HDAC4: variants seen among roughly 807,000 people sequenced by gnomAD.
HDAC4 encodes the protein histone deacetylase 4.
A neutral mutation model predicts 135.1 loss-of-function variants in HDAC4; 16 were observed. That is an observed-to-expected ratio of 0.12 (90% CI 0.08 to 0.18). The LOEUF (loss-of-function observed/expected upper bound fraction) is 0.18. Ranked by LOEUF, HDAC4 falls within the 10% of genes least tolerant of loss-of-function variation. HDAC4 has a pLI of 1.00. For missense variants in HDAC4, 1,143 were observed against 1,511.8 expected, an observed-to-expected ratio of 0.76 and a Z score of 4.05; for synonymous variants, 685 against 653.4, an observed-to-expected ratio of 1.05 and a Z score of -0.74.
At chr2:239,108,223 G>C (rs753723530) in intron 14 of HDAC4, 40 bp from the exon 15 acceptor site, 1 of 1,568,538 alleles carries the variant, frequency 6.4e-7, no homozygotes. Context: ...CGCACATCCA[G>C]GGGCGAGCCG....
intron 1 of HDAC4, among the ~76,000 whole-genome samples, chr2:239,389,957 G>A (rs1008609145): frequency 1.3e-5 from 2 of 152,208 alleles, no homozygotes; most frequent in Non-Finnish European, 2.9e-5. Context: ...GACTTGCTAA[G>A]ACAAAGATGC....
chr2:239,196,388 C>G (rs914410050), intron 3 of HDAC4, among the ~76,000 whole-genome samples: 10 of 152,218 alleles, frequency 6.6e-5, no homozygotes, highest in Non-Finnish European at 8.8e-5. Flanking sequence ...CCCCCTACCC[C>G]GTGAGCAACA....
chr2:239,398,540 C>A (rs1468937729), intron 1 of HDAC4, among the ~76,000 whole-genome samples: 1 of 152,218 alleles, frequency 6.6e-6, no homozygotes, highest in Non-Finnish European at 1.5e-5. Flanking sequence ...GGTAAACATC[C>A]ATAGGGCATT....
At chr2:239,210,302 T>C (rs985608089) in intron 3 of HDAC4, among the ~76,000 whole-genome samples, 3 of 151,936 alleles carry the variant, frequency 2.0e-5, no homozygotes, top group South Asian at 4.1e-4. Context: ...TTAGAAACAA[T>C]GCTGAGTTAA....
At chr2:239,369,354 C>T (rs989349985) in intron 1 of HDAC4, among the ~76,000 whole-genome samples, 6 of 152,100 alleles carry the variant, frequency 3.9e-5, no homozygotes, top group African/African-American at 7.2e-5. Context: ...GCCGACTGCC[C>T]GGCGGGGGGT....
At chr2:239,225,954 C>A (rs576188906) in intron 3 of HDAC4, among the ~76,000 whole-genome samples, 3 of 152,132 alleles carry the variant, frequency 2.0e-5, no homozygotes, top group Non-Finnish European at 4.4e-5. Context: ...GGTGTTGGTA[C>A]GGCGAAAACA....
intron 7 of HDAC4, among the ~76,000 whole-genome samples, chr2:239,149,901 T>C (rs574384582): frequency 9.9e-4 from 151 of 152,248 alleles, no homozygotes; most frequent in African/African-American, 3.5e-3. Flanking sequence ...GGAGGGGGTA[T>C]CATTTGCTCA....
chr2:239,325,833 C>T (rs1432715728), intron 2 of HDAC4, among the ~76,000 whole-genome samples: 2 of 151,918 alleles, frequency 1.3e-5, no homozygotes, highest in East Asian at 1.9e-4. Flanking sequence ...GGCGTGGTGG[C>T]GGGTGTCTGT....
intron 25 of HDAC4, 97 bp from the exon 26 acceptor site, chr2:239,053,698 AGATT>A: frequency 1.0e-6 from 1 of 1,000,708 alleles, no homozygotes; most frequent in Non-Finnish European, 1.5e-6. Context: ...GCCTCAAACC[AGATT>A]GATCCCTTAT....
rs747907491 is a variant in HDAC4, at chr2:239,236,556, A to G, written c.94+37T>C. 19 of 1,520,090 alleles carry G rather than the reference A, an allele frequency of 1.2e-5. 1 individual carries two copies. Among genetic ancestry groups the G allele is most frequent in the Middle Eastern group, 1.7e-4 (1 of 5,826 alleles). 94.2% of individuals were successfully genotyped at this position (1,520,090 alleles called of 1,614,324 possible). On this transcript the variant is annotated intron_variant, in intron 3 of 26. Transcript: ENST00000543185. Reference sequence around the variant, plus strand: ...TCTGAACACCTCTTTGGCTCAGCGCAGGGCCGGCCGGACAGGGCAGGGGTG... The same window carrying G: ...TCTGAACACCTCTTTGGCTCAGCGCGGGGCCGGCCGGACAGGGCAGGGGTG...
chr2:239,164,828 C>A (rs1412531994), intron 5 of HDAC4, among the ~76,000 whole-genome samples: 5 of 152,212 alleles, frequency 3.3e-5, no homozygotes, highest in African/African-American at 1.2e-4. Context: ...CACTGACTAC[C>A]TTTAGAATTA....
At chr2:239,102,221 G>A (rs2037735869) in intron 16 of HDAC4, among the ~76,000 whole-genome samples, 1 of 152,218 alleles carries the variant, frequency 6.6e-6, no homozygotes, top group Non-Finnish European at 1.5e-5. Flanking sequence ...GAGCTGGCTG[G>A]GAGTTCACCT....
chr2:239,134,716 AACGATGAAAAC>A, intron 9 of HDAC4, 73 bp from the exon 10 acceptor site: 2 of 1,048,218 alleles, frequency 1.9e-6, no homozygotes, highest in Non-Finnish European at 3.0e-6. Context: ...CAAGAAAAAC[AACGATGAAAAC>A]ACCTGCACTG....
At chr2:239,264,575 C>T (rs1315098347) in intron 2 of HDAC4, among the ~76,000 whole-genome samples, 1 of 152,210 alleles carries the variant, frequency 6.6e-6, no homozygotes, top group East Asian at 1.9e-4. Context: ...CCTCCTGATC[C>T]TAAGTGGCCA....
At chr2:239,304,271 G>A (rs1445078726) in intron 2 of HDAC4, among the ~76,000 whole-genome samples, 6 of 152,172 alleles carry the variant, frequency 3.9e-5, no homozygotes, top group African/African-American at 9.7e-5. Context: ...TGTGAGCTCG[G>A]GGGAAGGAGT....
intron 1 of HDAC4, among the ~76,000 whole-genome samples, chr2:239,376,968 C>T (rs887178811): frequency 2.0e-5 from 3 of 152,056 alleles, no homozygotes; most frequent in African/African-American, 2.4e-5. Flanking sequence ...AGCTATTCCA[C>T]GCCCGTCCCT....
At chr2:239,375,227 T>C (rs1694922483) in intron 1 of HDAC4, among the ~76,000 whole-genome samples, 1 of 152,188 alleles carries the variant, frequency 6.6e-6, no homozygotes. Flanking sequence ...GCCAGGGGCC[T>C]GGGAATCAGA....
rs545074916 is a variant in HDAC4 at position 239,308,826 on chromosome 2, C to G, written c.22+43852G>C. On this transcript the variant is annotated intron_variant, in intron 2 of 26. Coordinates refer to ENST00000543185, the MANE Select transcript of HDAC4 (RefSeq NM_001378414.1). The surrounding 1 kb of genome is among the most constrained non-coding windows in gnomAD (Gnocchi z 4.2). ...GCTCACGTTCCGAGTCCTCATTGCT[C>G]CCAGACCCAAGGGCAAGGCTGTCAC... 1.3e-5 allele frequency among the ~76,000 whole-genome samples: 2 copies of G among 152,260 alleles called. No individual in the cohort carries two copies. Among genetic ancestry groups the G allele is most frequent in the East Asian group, 3.9e-4 (2 of 5,150 alleles).
At chr2:239,060,917 CAG>C (rs974611369) in intron 24 of HDAC4, among the ~76,000 whole-genome samples, 83 of 152,246 alleles carry the variant, frequency 5.5e-4, no homozygotes, top group African/African-American at 1.9e-3. Context: ...ACCCAGGTAA[CAG>C]GGCCCAGAGG....
Sources: allele counts gnomAD v4.1 joint callset (sites outside exome capture counted in the v4.1 genomes callset), GRCh38; gene constraint gnomAD v4.1.1; non-coding constraint Gnocchi (gnomAD v3.1); transcripts MANE v1.5; gene names NCBI Gene and HGNC (gene_info 2026-07-23, HGNC 2026-07-21).